ROBO1: variants seen among roughly 807,000 people sequenced by gnomAD.
The protein encoded by ROBO1 is roundabout guidance receptor 1.
Under a neutral mutation model 195.9 loss-of-function variants are expected in ROBO1, and 149 were observed. The observed-to-expected ratio is 0.76, with a 90% confidence interval of 0.67 to 0.87. ROBO1 has a LOEUF of 0.87. ROBO1 is among the 40% of genes least tolerant of loss of function. ROBO1 has a pLI of 0.00. For synonymous variants in ROBO1, 816 were observed against 733.2 expected, an observed-to-expected ratio of 1.11 and a Z score of -1.82; for missense variants, 1,933 against 2,068.3, an observed-to-expected ratio of 0.93 and a Z score of 1.27.
intron 3 of ROBO1, among the ~76,000 whole-genome samples, chr3:79,006,688 A>AG (rs1553655618): frequency 2.0e-5 from 3 of 150,816 alleles, no homozygotes; most frequent in African/African-American, 7.3e-5. Context: ...CTTGGCCCTA[A>AG]TACAAGCACT....
intron 8 of ROBO1, among the ~76,000 whole-genome samples, chr3:78,697,440 A>G (rs1226755270): frequency 1.3e-5 from 2 of 152,188 alleles, no homozygotes; most frequent in African/African-American, 4.8e-5. Context: ...ACAGATACTT[A>G]AGAAGTCTTC....
intron 2 of ROBO1, among the ~76,000 whole-genome samples, chr3:79,575,281 T>C (rs1943434428): frequency 1.6e-5 from 2 of 125,952 alleles, no homozygotes; most frequent in African/African-American, 3.0e-5. Flanking sequence ...CAAATATATA[T>C]ATAAATATAT....
intron 3 of ROBO1, among the ~76,000 whole-genome samples, chr3:79,037,640 T>C (rs1225486055): frequency 6.6e-6 from 1 of 152,184 alleles, no homozygotes; most frequent in African/African-American, 2.4e-5. Flanking sequence ...GCTCTTAATG[T>C]GCAAAAGTGT....
intron 1 of ROBO1, among the ~76,000 whole-genome samples, chr3:79,713,710 G>A (rs1376895807): frequency 6.6e-6 from 1 of 151,986 alleles, no homozygotes; most frequent in Non-Finnish European, 1.5e-5. Context: ...TTTCTTCTAG[G>A]GTTTTTATGG....
chr3:78,636,938 TA>T (rs1705543977), intron 22 of ROBO1, among the ~76,000 whole-genome samples: 13 of 43,772 alleles, frequency 3.0e-4, no homozygotes, highest in African/African-American at 8.4e-4. Flanking sequence ...ATTCATTTTA[TA>T]TATATATATA....
chr3:78,656,244 C>T (rs144605459), intron 18 of ROBO1, among the ~76,000 whole-genome samples: 16 of 151,438 alleles, frequency 1.1e-4, no homozygotes, highest in Middle Eastern at 6.9e-3. Flanking sequence ...TTATAATAAA[C>T]AATTACAATT....
intron 2 of ROBO1, among the ~76,000 whole-genome samples, chr3:79,213,816 CTTTTTT>C (rs59942369): frequency 9.7e-4 from 72 of 74,582 alleles, no homozygotes; most frequent in Admixed American, 2.1e-3. Context: ...TCTCCCCTTT[CTTTTTT>C]TTTTTTTTTT....
chr3:79,269,828 A>T lies in ROBO1; in HGVS notation c.89-144289T>A, dbSNP rs1280053294. ...AACTCCCATCAACATAGACTGAAAG[A>T]TCCATTTCCCCCCTAAAATCCTATA... is the stretch of plus-strand genomic sequence containing the variant. On this transcript the variant is annotated intron_variant, in intron 2 of 30. Coordinates refer to ENST00000464233, the MANE Select transcript of ROBO1 (RefSeq NM_002941.4). Among the ~76,000 whole-genome samples the T allele has an allele frequency of 9.9e-5, 15 of 151,852 alleles. No individual in the cohort carries two copies. In the Admixed American group the frequency reaches 9.9e-4, roughly 10 times the overall value.
intron 2 of ROBO1, among the ~76,000 whole-genome samples, chr3:79,350,755 G>A (rs2035310739): frequency 6.6e-6 from 1 of 152,158 alleles, no homozygotes; most frequent in African/African-American, 2.4e-5. Flanking sequence ...TAGACAGAAA[G>A]TAGATTAGTG....
intron 4 of ROBO1, among the ~76,000 whole-genome samples, chr3:78,934,549 T>C (rs1303353084): frequency 6.6e-6 from 1 of 151,980 alleles, no homozygotes; most frequent in Non-Finnish European, 1.5e-5. Context: ...GATATATACA[T>C]ATATGCATGT....
chr3:79,288,986 T>TA (rs1349728656), intron 2 of ROBO1, among the ~76,000 whole-genome samples: 1 of 152,024 alleles, frequency 6.6e-6, no homozygotes, highest in Non-Finnish European at 1.5e-5. Context: ...TGTAAGGAAG[T>TA]AACAAACAAC....
rs144538112 is a variant in ROBO1 at position 78,982,600 on chromosome 3, C to T, written c.173-43673G>A. ...AGTCATTTACATTGTAAAAGTAAGC[C>T]CCATAGCTGCCTTTTTGTAAATTTT... On this transcript the variant is annotated intron_variant, in intron 3 of 30. Transcript: ENST00000464233. Among the ~76,000 whole-genome samples the T allele has an allele frequency of 1.1e-4, 16 of 152,140 alleles. No homozygotes were observed. The East Asian group carries it at 3.1e-3, about 29-fold the overall frequency.
intron 8 of ROBO1, among the ~76,000 whole-genome samples, chr3:78,711,344 CTTCCTCCTTCCT>C (rs1290956687): frequency 2.3e-4 from 19 of 84,150 alleles, no homozygotes; most frequent in African/African-American, 9.2e-4. Context: ...TCCTTCCTTC[CTTCCTCCTTCCT>C]TCCTTCCTTC....
At chr3:79,276,405 G>T (rs1462355160) in intron 2 of ROBO1, among the ~76,000 whole-genome samples, 1 of 151,972 alleles carries the variant, frequency 6.6e-6, no homozygotes, top group Non-Finnish European at 1.5e-5. Flanking sequence ...TAGGAAAACT[G>T]AATATCCATA....
At chr3:78,963,510 TTTTTTTTTTTC>T (rs2041503043) in intron 3 of ROBO1, among the ~76,000 whole-genome samples, 1 of 135,890 alleles carries the variant, frequency 7.4e-6, no homozygotes, top group Non-Finnish European at 1.5e-5. Context: ...TTTTTTTTTT[TTTTTTTTTTTC>T]TTTTTTTTTT....
rs999940612 is a variant in ROBO1, at chr3:78,945,809, C to G, written c.173-6882G>C. 3.9e-5 allele frequency among the ~76,000 whole-genome samples: 6 copies of G among 152,128 alleles called. No homozygotes were observed. The East Asian group carries it at 1.2e-3, about 30-fold the overall frequency. On this transcript the variant is annotated intron_variant, in intron 3 of 30. Transcript: ENST00000464233. ...GAATGGATAACTAGAAGAACCAATA[C>G]AGAGAAGTCCTTAAAGGACCTGATG...
chr3:79,018,453 C>T (rs2078011335), intron 3 of ROBO1: 2 of 1,613,818 alleles, frequency 1.2e-6, no homozygotes, highest in African/African-American at 2.7e-5. Flanking sequence ...GAGCGGGCTC[C>T]GCAATCATTG....
intron 2 of ROBO1, among the ~76,000 whole-genome samples, chr3:79,287,634 A>T (rs1472357387): frequency 6.6e-6 from 1 of 152,134 alleles, no homozygotes; most frequent in African/African-American, 2.4e-5. Context: ...AACATTCCAT[A>T]TTAACGTATA....
chr3:79,105,870 T>C lies in ROBO1; in HGVS notation c.172+19586A>G, dbSNP rs550408866. Among the ~76,000 whole-genome samples, 4 of 151,862 alleles carry C rather than the reference T, an allele frequency of 2.6e-5. No individual in the cohort carries two copies. In the East Asian group the frequency reaches 7.7e-4, roughly 29 times the overall value. ...GTTTATGAAGCTCCTGCTGTGTATA[T>C]AGGTTTGGGAAATATTTATTTTTGT... On this transcript the variant is annotated intron_variant, in intron 3 of 30. Coordinates refer to ENST00000464233, the MANE Select transcript of ROBO1 (RefSeq NM_002941.4).
Sources: allele counts gnomAD v4.1 joint callset (sites outside exome capture counted in the v4.1 genomes callset), GRCh38; gene constraint gnomAD v4.1.1; transcripts MANE v1.5; gene names NCBI Gene and HGNC (gene_info 2026-07-23, HGNC 2026-07-21).